MIA2: variants seen among roughly 807,000 people sequenced by gnomAD.
MIA2 encodes melanoma inhibitory activity protein 2.
In MIA2, 127 loss-of-function variants were observed where a neutral mutation model predicts 167.8. The ratio of observed to expected loss-of-function variants is 0.76; its 90% confidence interval spans 0.66 to 0.88. The LOEUF (loss-of-function observed/expected upper bound fraction) is 0.88, where lower values mean the gene tolerates loss of function less well. MIA2 is among the 40% of genes least tolerant of loss of function. The pLI is 0.00. For synonymous variants in MIA2, 552 were observed against 541.9 expected (o/e 1.02, Z -0.26); for missense variants, 1,690 against 1,624.7 (o/e 1.04, Z -0.69).
chr14:39,385,574 G>T, intron 23 of MIA2: 2 of 815,280 alleles, frequency 2.5e-6, no homozygotes. Context: ...CTCAAGGCGG[G>T]TAAGGATGAA....
At chr14:39,386,899 C>T (rs1194958893) in exon 24 of MIA2, 1 of 797,966 alleles carries the variant, frequency 1.3e-6, no homozygotes, top group Non-Finnish European at 2.2e-6. Context: ...ACGCTCTCCG[C>T]CCGGGGCAGG....
At chr14:39,285,643 T>C (rs1225372563) in intron 9 of MIA2, among the ~76,000 whole-genome samples, 1 of 114,900 alleles carries the variant, frequency 8.7e-6, no homozygotes, top group Non-Finnish European at 1.8e-5. Flanking sequence ...CCGGATGGGG[T>C]GGCTGGCCGG....
In MIA2 at chr14:39,303,511, T is replaced by G. The variant is rs751433875; in HGVS notation, c.2774T>G (p.Ile925Ser). The G allele has an allele frequency of 2.5e-6, 4 of 1,610,794 alleles. No homozygotes were observed. The East Asian group carries it at 8.9e-5, about 36-fold the overall frequency. Residue 925 changes from isoleucine to serine, a missense_variant, in exon 16 of 29, where the codon ATT becomes AGT. Ile to Ser is a moderately radical substitution (Grantham distance 142, BLOSUM62 -2). Transcript: ENST00000640607. Reference sequence around the variant, plus strand: ...CCAAAAGGAGCTTTGAAGAAACTGATTCATGCTGCTAAGGTTTGTGCTATT... The same window carrying G: ...CCAAAAGGAGCTTTGAAGAAACTGAGTCATGCTGCTAAGGTTTGTGCTATT... ...NPPKGALKKLIHAAKLNASLK... is the reference protein window; with the variant it reads ...NPPKGALKKLSHAAKLNASLK...
At chr14:39,257,052 A>C (rs1425216733) in intron 6 of MIA2, among the ~76,000 whole-genome samples, 2 of 152,082 alleles carry the variant, frequency 1.3e-5, no homozygotes, top group East Asian at 3.9e-4. Flanking sequence ...TACTGAGAAA[A>C]ATATTCTGTT....
At chr14:39,297,085 G>A (rs1438240664) in intron 13 of MIA2, among the ~76,000 whole-genome samples, 1 of 151,248 alleles carries the variant, frequency 6.6e-6, no homozygotes, top group African/African-American at 2.4e-5. Context: ...CTATTGGTGG[G>A]CTTTTCTATA....
chr14:39,373,825 T>C (rs368139437), intron 23 of MIA2, among the ~76,000 whole-genome samples: 1 of 149,644 alleles, frequency 6.7e-6, no homozygotes, highest in African/African-American at 2.5e-5. Context: ...GGTCTAAAAA[T>C]AAAAAATAAA....
At chr14:39,336,810 A>T (rs897282838) in intron 25 of MIA2, among the ~76,000 whole-genome samples, 1 of 152,132 alleles carries the variant, frequency 6.6e-6, no homozygotes, top group Non-Finnish European at 1.5e-5. Context: ...CTGTGGTGTG[A>T]TTATAGCTCA....
Position 39,267,209 on chromosome 14 carries a change from G to A in MIA2, c.1888-9725G>A, listed in dbSNP as rs775826682. 3.0e-6 allele frequency: 4 copies of A among 1,328,216 alleles called. No individual in the cohort carries two copies. In the African/African-American group the frequency reaches 4.5e-5, roughly 15 times the overall value. 82.3% of individuals were successfully genotyped at this position (1,328,216 alleles called of 1,614,324 possible). On this transcript the variant is annotated intron_variant, in intron 6 of 28. Transcript: ENST00000640607. ...GACAGGGTACGTCGCAGGCTTGTGC[G>A]GGTCGGGCTCGGACCTGCGCTGCCT...
chr14:39,267,533 G>T (rs1348235169), intron 6 of MIA2: 2 of 1,613,128 alleles, frequency 1.2e-6, no homozygotes, highest in African/African-American at 2.7e-5. Flanking sequence ...GTGAGCCCAG[G>T]CGCGATGAGT....
chr14:39,277,712 A>ATT (rs2058283327), intron 7 of MIA2, among the ~76,000 whole-genome samples: 2 of 4,946 alleles, frequency 4.0e-4, no homozygotes, highest in African/African-American at 3.0e-3. Flanking sequence ...ATATATATAT[A>ATT]TATGTGTGTA....
At position 39,385,159 on chromosome 14, in the gene MIA2, C is replaced by T. The variant is rs1595972706; in HGVS notation, c.2249-1726C>T. On this transcript the variant is annotated intron_variant, in intron 23 of 23. Transcript: ENST00000341502. ...AAACCATACTGGTATACAACAATGT[C>T]TGCAGGGAATGTCATGTTGTACATT... Among the ~76,000 whole-genome samples the T allele has an allele frequency of 3.9e-5, 6 of 152,246 alleles. No individual in the cohort carries two copies. The South Asian group carries it at 1.2e-3, about 32-fold the overall frequency.
At chr14:39,362,625 A>G (rs2415541) in intron 23 of MIA2, among the ~76,000 whole-genome samples, 7,029 of 152,142 alleles carry the variant, frequency 0.046, 197 homozygotes, top group South Asian at 0.096. Context: ...ATCTTTACAA[A>G]TACCCAACTT....
At position 39,276,934 on chromosome 14, in the gene MIA2, G is replaced by T; in HGVS notation, c.1888G>T (p.Val630Phe). 2 of 1,608,904 alleles carry T rather than the reference G, an allele frequency of 1.2e-6. No homozygotes were observed. The highest frequency in any genetic ancestry group is 1.7e-6 in the Non-Finnish European group (2 of 1,178,930). ...FSPIVILTER[V>F]VAALPEGMRP... is the part of the protein sequence containing the mutation. ...GAACTTACTTTTCTTTATCTTGAAG[G>T]TTGTGGCAGCACTGCCTGAAGGTAT... Residue 630 changes from valine (V) to phenylalanine (F), a missense_variant and splice_region_variant, in exon 7 of 29, where the codon GTT becomes TTT. Transcript: ENST00000640607.
intron 6 of MIA2, among the ~76,000 whole-genome samples, chr14:39,264,071 A>AG (rs2055292198): frequency 6.6e-6 from 1 of 152,174 alleles, no homozygotes; most frequent in Admixed American, 6.5e-5. Flanking sequence ...CATAATATTC[A>AG]GTGGGAAGTT....
rs1331184629 is a variant in MIA2 at position 39,308,357 on chromosome 14, TTTA to T, written c.2879-86_2879-84del. 12 of 771,968 alleles carry T rather than the reference TTTA, an allele frequency of 1.6e-5. No individual in the cohort carries two copies. The African/African-American group carries it at 1.7e-4, about 11-fold the overall frequency. 47.8% of individuals were successfully genotyped at this position (771,968 alleles called of 1,614,324 possible). Reference sequence around the variant, plus strand: ...TGGAAAGAGTTTAGTTTATTAATAATTTATTATTTTTAGTAATTTTTATCTTTC... The same window carrying T: ...TGGAAAGAGTTTAGTTTATTAATAATTTATTTTTAGTAATTTTTATCTTTC... On this transcript the variant is annotated intron_variant, in intron 17 of 28. Coordinates refer to ENST00000640607, the MANE Select transcript of MIA2 (RefSeq NM_001329214.4).
At chr14:39,381,685 C>T (rs76975916) in intron 23 of MIA2, among the ~76,000 whole-genome samples, 109 of 144,044 alleles carry the variant, frequency 7.6e-4, no homozygotes, top group East Asian at 2.0e-3. Flanking sequence ...TTTTCTTTTT[C>T]TTTTTTTTCC....
In MIA2 at chr14:39,348,895, T is replaced by C. The variant is rs1214968646; in HGVS notation, c.3990T>C (p.Pro1330=). ...FLRRGPPFPP[P]PPGAMFGASR... is the part of the protein sequence containing the mutation. Reference sequence around the variant, plus strand: ...GAAGAGGACCTCCTTTCCCCCCACCTCCTCCAGGAGCCATGTTTGGAGCTT... The same window carrying C: ...GAAGAGGACCTCCTTTCCCCCCACCCCCTCCAGGAGCCATGTTTGGAGCTT... The change falls in exon 28 of 29, where the codon CCT becomes CCC. Residue 1330 remains proline, a synonymous_variant. Coordinates refer to ENST00000640607, the MANE Select transcript of MIA2 (RefSeq NM_001329214.4). 6.2e-7 allele frequency: 1 copy of C among 1,613,876 alleles called. No individual in the cohort carries two copies. The highest frequency in any genetic ancestry group is 1.7e-5 in the Admixed American group (1 of 59,990).
intron 23 of MIA2, among the ~76,000 whole-genome samples, chr14:39,365,082 T>TG (rs914884860): frequency 2.6e-5 from 4 of 152,206 alleles, no homozygotes; most frequent in African/African-American, 9.6e-5. Flanking sequence ...TTGTTTTTTT[T>TG]TGTGATGGAA....
chr14:39,285,426 T>C (rs1224209100), intron 9 of MIA2, among the ~76,000 whole-genome samples: 2 of 127,250 alleles, frequency 1.6e-5, no homozygotes, highest in Admixed American at 7.6e-5. Context: ...GGGCGGGGGC[T>C]GACCCCCCCA....
Sources: gnomAD v4.1 joint callset for allele counts (sites outside exome capture counted in the v4.1 genomes callset) on GRCh38, gnomAD v4.1.1 for gene constraint, MANE v1.5 for transcripts, NCBI Gene and HGNC (gene_info 2026-07-23, HGNC 2026-07-21) for gene names.